ZFYVE26: variants seen among roughly 807,000 people sequenced by gnomAD.
ZFYVE26 encodes the protein zinc finger FYVE-type containing 26.
ZFYVE26 carries 181 observed loss-of-function variants against 276.5 expected under a neutral mutation model. That is an observed-to-expected ratio of 0.65 (90% CI 0.58 to 0.74). The LOEUF (loss-of-function observed/expected upper bound fraction) is 0.74. Among genes scored for constraint, ZFYVE26 ranks in the 30% least tolerant of loss-of-function variants. The pLI is 0.00. For missense variants in ZFYVE26, 2,821 were observed against 3,097.9 expected (o/e 0.91, Z 2.12); for synonymous variants, 1,129 against 1,203.1 (o/e 0.94, Z 1.27).
rs1286659956 is a variant in ZFYVE26 at position 67,783,032 on chromosome 14, A to G, written c.4120T>C (p.Trp1374Arg). The G allele has an allele frequency of 6.2e-7, 1 of 1,614,202 alleles. No individual in the cohort carries two copies. The stretch of plus-strand genomic sequence containing the variant: ...TGCAAAGACCCTCGCAGGGGCTCCC[A>G]GGCAGCCAGGAGGAAGGCCTCAAAC... Reference protein sequence around the residue: ...PLFEAFLLAAWEPLRGSLQQG... With the variant: ...PLFEAFLLAAREPLRGSLQQG... Residue 1374 changes from tryptophan to arginine, a missense_variant, in exon 21 of 42, where the codon TGG (tryptophan) becomes CGG (arginine). Transcript: ENST00000347230.
chr14:67,744,506 C>T (rs1047461549), downstream of ZFYVE26, among the ~76,000 whole-genome samples: 1 of 152,018 alleles, frequency 6.6e-6, no homozygotes, highest in Admixed American at 6.5e-5. Context: ...CCTATCAACC[C>T]GTCAACTAGG....
At chr14:67,738,567 T>C (rs1242973657) in intron 13 of ZFYVE26, among the ~76,000 whole-genome samples, 1 of 151,870 alleles carries the variant, frequency 6.6e-6, no homozygotes, top group Non-Finnish European at 1.5e-5. Context: ...GTGTTCTGTG[T>C]AGTAAGACTT....
At position 67,750,001 on chromosome 14, in the gene ZFYVE26, G is replaced by C. The variant is rs140917592; in HGVS notation, c.7416+1051C>G. On this transcript the variant is annotated intron_variant, in intron 41 of 41. Transcript: ENST00000347230. ...AGAAAAATACCTGAAAAAGTAATAAGGACTGTCTCTATTTTAGAGCGTGTC... is the reference window on the plus strand; with the variant it reads ...AGAAAAATACCTGAAAAAGTAATAACGACTGTCTCTATTTTAGAGCGTGTC... Among the ~76,000 whole-genome samples, 510 of 152,236 alleles carry C rather than the reference G, an allele frequency of 3.4e-3. 4 individuals are homozygous for C. The highest frequency in any genetic ancestry group is 0.012 in the African/African-American group (495 of 41,544).
chr14:67,769,776 G>A, intron 28 of ZFYVE26, 46 bp from the exon 29 acceptor site: 4 of 1,612,626 alleles, frequency 2.5e-6, no homozygotes, highest in Non-Finnish European at 3.4e-6. Flanking sequence ...GGAGAGAAGG[G>A]GAGATTGCCA....
At position 67,793,681 on chromosome 14, in the gene ZFYVE26, G is replaced by A. The variant is rs371192353; in HGVS notation, c.2480C>T (p.Pro827Leu). 6.2e-7 allele frequency: 1 copy of A among 1,613,874 alleles called. No homozygotes were observed. Among genetic ancestry groups the A allele is most frequent in the Non-Finnish European group, 8.5e-7 (1 of 1,179,882 alleles). ...TGACTCAGGTGGGGAGAACATCATG[G>A]GGATGAGTGAACTTTGAGGATGGGG... is the stretch of plus-strand genomic sequence containing the variant. ...LHPHPQSSLI[P>L]MMFSPPESLL... Residue 827 changes from proline (P) to leucine (L), a missense_variant, in exon 14 of 42, where the codon CCC (proline) becomes CTC (leucine). By Grantham distance (98) the Pro-to-Leu change is moderately conservative. Coordinates refer to ENST00000347230, the MANE Select transcript of ZFYVE26 (RefSeq NM_015346.4).
At chr14:67,760,933 T>C (rs1171721410) in intron 35 of ZFYVE26, 2 of 405,166 alleles carry the variant, frequency 4.9e-6, no homozygotes, top group Non-Finnish European at 9.1e-6. Flanking sequence ...GGTTACTTCC[T>C]GGCCCTTGTA....
At chr14:67,792,695 T>C (rs1207375486) in intron 14 of ZFYVE26, among the ~76,000 whole-genome samples, 1 of 152,022 alleles carries the variant, frequency 6.6e-6, no homozygotes, top group Non-Finnish European at 1.5e-5. Flanking sequence ...GTGGATCTCC[T>C]GAGGTCAGGA....
rs756076114 is a variant in ZFYVE26 at position 67,782,847 on chromosome 14, C to T, written c.4305G>A (p.Val1435=). Residue 1435 remains valine (V), a synonymous_variant, in exon 21 of 42, where the codon GTG becomes GTA. Transcript: ENST00000347230. ...DWSRALQLTE[V]YGRDVDDLSS... is the part of the protein sequence containing the mutation. Reference sequence around the variant, plus strand: ...TCAAATCGTCCACATCTCGCCCGTACACTTCAGTGAGCTGAAGGGCCCGGG... The same window carrying T: ...TCAAATCGTCCACATCTCGCCCGTATACTTCAGTGAGCTGAAGGGCCCGGG... 30 of 1,614,140 alleles carry T rather than the reference C, an allele frequency of 1.9e-5. No individual in the cohort carries two copies. Among genetic ancestry groups the T allele is most frequent in the Non-Finnish European group, 2.4e-5 (28 of 1,180,050 alleles).
chr14:67,809,335 T>G (rs769877983), intron 3 of ZFYVE26, 46 bp from the exon 4 acceptor site: 3 of 1,377,802 alleles, frequency 2.2e-6, no homozygotes, highest in Non-Finnish European at 3.1e-6. Context: ...ATATATGTTT[T>G]AGTTAACAAA....
At chr14:67,777,447 G>A (rs2039374098) in intron 25 of ZFYVE26, 112 bp downstream of exon 25, 1 of 1,565,474 alleles carries the variant, frequency 6.4e-7, no homozygotes, top group African/African-American at 1.4e-5. Context: ...GGCAAGTTCT[G>A]AAGAAGAGCT....
rs1048324039 is a variant in ZFYVE26, at chr14:67,729,569, T to A, written n.2930A>T. ...GTACAAACTTATGTGTTGGGAAGAG[T>A]TGCTTTTCTGGCTTTATTTTATACT... On this transcript the variant is annotated non_coding_transcript_exon_variant, in exon 14 of 15. Transcript: ENST00000394455. The A allele has an allele frequency of 4.5e-6, 3 of 660,266 alleles. No individual in the cohort carries two copies. The African/African-American group carries it at 5.4e-5, about 12-fold the overall frequency. 40.9% of individuals were successfully genotyped at this position (660,266 alleles called of 1,614,324 possible).
rs117498396 is a variant in ZFYVE26 at position 67,792,512 on chromosome 14, G to A, written c.2553+1096C>T. On this transcript the variant is annotated intron_variant, in intron 14 of 41. Coordinates refer to ENST00000347230, the MANE Select transcript of ZFYVE26 (RefSeq NM_015346.4). ...TCAAATGAGGAAACCAAAGCTCAGA[G>A]AGGTTCAGTCTTTCTGATTACCATT... 1.6e-4 allele frequency among the ~76,000 whole-genome samples: 25 copies of A among 152,274 alleles called. No individual in the cohort carries two copies. The East Asian group carries it at 4.8e-3, about 29-fold the overall frequency.
At chr14:67,767,579 A>G in intron 31 of ZFYVE26, 125 bp downstream of exon 31, 1 of 1,287,786 alleles carries the variant, frequency 7.8e-7, no homozygotes, top group Non-Finnish European at 1.1e-6. Context: ...TTACTGGTTT[A>G]GCTCCCATAT....
At chr14:67,738,506 AT>A (rs1418678525) in intron 13 of ZFYVE26, among the ~76,000 whole-genome samples, 1 of 150,930 alleles carries the variant, frequency 6.6e-6, no homozygotes, top group Non-Finnish European at 1.5e-5. Context: ...TATTAAAAAA[AT>A]AATTATACAC....
intron 32 of ZFYVE26, among the ~76,000 whole-genome samples, chr14:67,765,507 G>A (rs1167182052): frequency 6.6e-6 from 1 of 152,202 alleles, no homozygotes; most frequent in East Asian, 1.9e-4. Flanking sequence ...AAATGTCTGA[G>A]GGAGGCAATG....
At chr14:67,739,609 A>T (rs1219915136) in intron 13 of ZFYVE26, among the ~76,000 whole-genome samples, 3 of 152,010 alleles carry the variant, frequency 2.0e-5, no homozygotes, top group Admixed American at 2.0e-4. Flanking sequence ...TCATCTGCCA[A>T]GTGAATATTT....
At chr14:67,786,905 A>T (rs2039674152) in intron 16 of ZFYVE26, among the ~76,000 whole-genome samples, 1 of 152,248 alleles carries the variant, frequency 6.6e-6, no homozygotes. Flanking sequence ...GATAGAACTG[A>T]AGATCATTAT....
intron 27 of ZFYVE26, 150 bp from the exon 28 acceptor site, chr14:67,772,360 A>G: frequency 1.0e-6 from 1 of 959,852 alleles, no homozygotes; most frequent in East Asian, 2.6e-5. Flanking sequence ...GTGTCATAAA[A>G]GAGAGACAAC....
chr14:67,774,971 G>T, intron 27 of ZFYVE26, 45 bp downstream of exon 27: 2 of 1,382,402 alleles, frequency 1.4e-6, no homozygotes, highest in Non-Finnish European at 2.0e-6. Context: ...AATAAGGCAA[G>T]ACTAAACTGA....
Sources: gnomAD v4.1 joint callset for allele counts (sites outside exome capture counted in the v4.1 genomes callset) on GRCh38, gnomAD v4.1.1 for gene constraint, MANE v1.5 for transcripts, NCBI Gene and HGNC (gene_info 2026-07-23, HGNC 2026-07-21) for gene names.